DST: variants seen among roughly 807,000 people sequenced by gnomAD.
DST encodes the protein bullous pemphigoid antigen.
Under a neutral mutation model 875.2 loss-of-function variants are expected in DST, and 253 were observed. The observed-to-expected ratio is 0.29, with a 90% CI of 0.26 to 0.32. DST has a LOEUF of 0.32. Ranked by LOEUF, DST falls within the 10% of genes least tolerant of loss-of-function variation. DST has a pLI of 1.00. For synonymous variants in DST, 3,124 were observed against 3,197.1 expected, an observed-to-expected ratio of 0.98 and a Z score of 0.77; for missense variants, 8,287 against 9,111.6, an observed-to-expected ratio of 0.91 and a Z score of 3.68.
At chr6:56,772,512 G>C (rs535693664) in intron 4 of DST, among the ~76,000 whole-genome samples, 1 of 152,054 alleles carries the variant, frequency 6.6e-6, no homozygotes, top group Non-Finnish European at 1.5e-5. Flanking sequence ...ATTATCTTTC[G>C]GGATCCCAAT....
intron 61 of DST, chr6:56,542,425 C>CT (rs1327075198): frequency 1.6e-5 from 1 of 62,566 alleles, no homozygotes; most frequent in East Asian, 4.7e-4. Context: ...TACTAAGCTT[C>CT]TTTAAAAAAA....
rs1298394185 is a variant in DST at position 56,616,224 on chromosome 6, C to A, written c.4930-1740G>T. 1.9e-6 allele frequency: 3 copies of A among 1,614,140 alleles called. No individual in the cohort carries two copies. In the Admixed American group the frequency reaches 5.0e-5, roughly 27 times the overall value. ...CCTTCCTGATACTTTTTGACCAAGG[C>A]TTTGTCAATTGTTCCCTGCTCTATA... On this transcript the variant is annotated intron_variant, in intron 36 of 103. Transcript: ENST00000680361.
chr6:56,882,583 A>G (rs1306475949), intron 3 of DST, among the ~76,000 whole-genome samples: 1 of 152,250 alleles, frequency 6.6e-6, no homozygotes, highest in Non-Finnish European at 1.5e-5. Context: ...CAGCAAAATG[A>G]AAGCAAATAA....
chr6:56,510,322 A>G (rs1307372025), intron 73 of DST, among the ~76,000 whole-genome samples: 1 of 152,176 alleles, frequency 6.6e-6, no homozygotes, highest in Non-Finnish European at 1.5e-5. Context: ...CTGAAAAGTT[A>G]TATTATTTAA....
intron 100 of DST, chr6:56,464,002 AACACTAG>A: frequency 1.6e-6 from 1 of 608,548 alleles, no homozygotes; most frequent in Non-Finnish European, 3.0e-6. Context: ...TGCTTATTCT[AACACTAG>A]ACACCAGCAA....
Position 56,603,297 on chromosome 6 carries a change from T to C in DST, c.11065A>G (p.Ser3689Gly). 2 of 1,610,924 alleles carry C rather than the reference T, an allele frequency of 1.2e-6. No individual in the cohort carries two copies. The highest frequency in any genetic ancestry group is 1.7e-6 in the Non-Finnish European group (2 of 1,178,934). Reference sequence around the variant, plus strand: ...AAGGCGGTCTTCAAACTCTGGTGGCTAATACTCAATTCTTCAACATGGCCT... The same window carrying C: ...AAGGCGGTCTTCAAACTCTGGTGGCCAATACTCAATTCTTCAACATGGCCT... ...PRGHVEELSI[S>G]HQSLKTAFSS... Residue 3689 changes from serine to glycine, a missense_variant, in exon 42 of 104, where the codon AGC becomes GGC. Ser to Gly is a moderately conservative substitution (Grantham distance 56). Coordinates refer to ENST00000680361, the MANE Select transcript of DST (RefSeq NM_001374736.1).
chr6:56,660,677 C>T (rs906146942), intron 10 of DST, among the ~76,000 whole-genome samples: 1 of 148,854 alleles, frequency 6.7e-6, no homozygotes, highest in African/African-American at 2.5e-5. Context: ...CCTTCATGCT[C>T]ATATTTGGGC....
chr6:56,464,901 A>C (rs1452359241), intron 99 of DST, 145 bp from the exon 100 acceptor site: 2 of 645,290 alleles, frequency 3.1e-6, no homozygotes, highest in Non-Finnish European at 5.4e-6. Context: ...TCAGGAAAAG[A>C]AGCACTCAAG....
At chr6:56,535,601 G>A (rs189851984) in intron 62 of DST, among the ~76,000 whole-genome samples, 4 of 152,194 alleles carry the variant, frequency 2.6e-5, no homozygotes, top group East Asian at 3.9e-4. Flanking sequence ...TAGAGTTATC[G>A]TAAAAAACAG....
rs769082329 is a variant in DST, at chr6:56,651,241, C to A, written c.1218G>T (p.Pro406=). Residue 406 remains proline (P), a synonymous_variant, in exon 11 of 104, where the codon CCG becomes CCT. Coordinates refer to ENST00000680361, the MANE Select transcript of DST (RefSeq NM_001374736.1). ...CAACAGTATTCATATCTATCAGGTCCGGCCTAGGAAAAAATTCACTGTGTT... is the reference window on the plus strand; with the variant it reads ...CAACAGTATTCATATCTATCAGGTCAGGCCTAGGAAAAAATTCACTGTGTT... The part of the protein sequence containing the change: ...LFNAIIHKYR[P]DLIDMNTVAV... The A allele has an allele frequency of 8.8e-6, 14 of 1,587,482 alleles. No individual in the cohort carries two copies. In the Admixed American group the frequency reaches 1.8e-4, roughly 20 times the overall value.
At chr6:56,815,220 G>A (rs1458884079) in intron 4 of DST, among the ~76,000 whole-genome samples, 2 of 152,172 alleles carry the variant, frequency 1.3e-5, no homozygotes, top group Non-Finnish European at 1.5e-5. Flanking sequence ...GGAAAAGTAG[G>A]GAGGAGAATA....
intron 9 of DST, among the ~76,000 whole-genome samples, chr6:56,674,925 T>C (rs1291598739): frequency 1.3e-5 from 2 of 152,180 alleles, no homozygotes; most frequent in Non-Finnish European, 2.9e-5. Context: ...TCAATTTGAA[T>C]GGAACCACAA....
In DST at chr6:56,636,554, T is replaced by C; in HGVS notation, c.3060+3A>G. The C allele has an allele frequency of 1.2e-6, 2 of 1,611,224 alleles. No homozygotes were observed. Among genetic ancestry groups the C allele is most frequent in the Non-Finnish European group, 1.7e-6 (2 of 1,178,916 alleles). ...TATTGAAGTTATGATTCTACTCACA[T>C]ACCTCGAAATACGCTGTGTTCTCCT... On this transcript the variant is annotated splice_donor_region_variant and intron_variant, in intron 23 of 103. Transcript: ENST00000680361.
At chr6:56,840,809 T>A (rs1224903717) in intron 4 of DST, among the ~76,000 whole-genome samples, 1 of 152,214 alleles carries the variant, frequency 6.6e-6, no homozygotes, top group Non-Finnish European at 1.5e-5. Flanking sequence ...CCTAACATTA[T>A]AGATTATTAC....
chr6:56,699,690 GTCAATTTGGGATT>G lies in DST; in HGVS notation c.997_1009del (p.Asn333LeufsTer4). ...AATTATTGTCCAGATTAATCCCAAAGTCAATTTGGGATTTCCATCTGTTATGTCATCATTTCTA... is the reference window on the plus strand; with the variant it reads ...AATTATTGTCCAGATTAATCCCAAAGTCCATCTGTTATGTCATCATTTCTA... On this transcript the variant is annotated frameshift_variant, in exon 9 of 104. Coordinates refer to ENST00000680361, the MANE Select transcript of DST (RefSeq NM_001374736.1). LOFTEE classifies it high-confidence loss of function. 6.5e-7 allele frequency: 1 copy of G among 1,531,816 alleles called. No homozygotes were observed. Among genetic ancestry groups the G allele is most frequent in the Non-Finnish European group, 8.8e-7 (1 of 1,142,074 alleles). 94.9% of individuals were successfully genotyped at this position (1,531,816 alleles called of 1,614,324 possible).
intron 8 of DST, among the ~76,000 whole-genome samples, chr6:56,700,829 C>T (rs186323834): frequency 2.6e-5 from 4 of 152,060 alleles, no homozygotes; most frequent in African/African-American, 7.2e-5. Flanking sequence ...GAATAATAAG[C>T]AAACAACAAT....
chr6:56,618,874 T>C (rs1373544130), intron 36 of DST: 1 of 1,614,174 alleles, frequency 6.2e-7, no homozygotes, highest in Non-Finnish European at 8.5e-7. Context: ...GTAATTCGTC[T>C]TGTACTTTTT....
At chr6:56,563,331 T>C (rs977651601) in intron 55 of DST, among the ~76,000 whole-genome samples, 1 of 152,256 alleles carries the variant, frequency 6.6e-6, no homozygotes, top group Non-Finnish European at 1.5e-5. Context: ...GTTTCTCTAA[T>C]GACCAGTGAT....
intron 2 of DST, among the ~76,000 whole-genome samples, chr6:56,926,247 G>T (rs531623917): frequency 6.6e-6 from 1 of 152,092 alleles, no homozygotes; most frequent in East Asian, 1.9e-4. Flanking sequence ...TCCACTTTTT[G>T]TTGGGTCTCA....
Sources: allele counts gnomAD v4.1 joint callset (sites outside exome capture counted in the v4.1 genomes callset), GRCh38; gene constraint gnomAD v4.1.1; transcripts MANE v1.5; gene names NCBI Gene and HGNC (gene_info 2026-07-23, HGNC 2026-07-21).